The following DNM1L variants were observed in gnomAD, a reference collection of about 807,000 sequenced individuals.
The protein encoded by DNM1L is dynamin 1L, also known as dynamin-1-like protein.
Under a neutral mutation model 92.8 loss-of-function variants are expected in DNM1L, and 33 were observed. The observed-to-expected ratio is 0.36, with a 90% CI of 0.27 to 0.48. The LOEUF (loss-of-function observed/expected upper bound fraction) is 0.48. Among genes scored for constraint, DNM1L ranks in the 20% least tolerant of loss-of-function variants. The pLI is 0.99. For missense variants in DNM1L, 485 were observed against 888.8 expected, an observed-to-expected ratio of 0.55 and a Z score of 5.78; for synonymous variants, 284 against 305.0, an observed-to-expected ratio of 0.93 and a Z score of 0.72.
intron 12 of DNM1L, among the ~76,000 whole-genome samples, chr12:32,732,795 G>A (rs1184472062): frequency 6.6e-6 from 1 of 152,174 alleles, no homozygotes; most frequent in African/African-American, 2.4e-5. Flanking sequence ...AAGGGCTCAA[G>A]TTTATTCTCT....
intron 9 of DNM1L, among the ~76,000 whole-genome samples, chr12:32,725,930 C>T (rs1449219009): frequency 6.9e-6 from 1 of 144,606 alleles, no homozygotes; most frequent in African/African-American, 2.6e-5. Flanking sequence ...TTTTTTTAAA[C>T]GATGGATTGT....
At chr12:32,695,348 G>C (rs998365430) in intron 1 of DNM1L, among the ~76,000 whole-genome samples, 2 of 152,004 alleles carry the variant, frequency 1.3e-5, no homozygotes, top group Non-Finnish European at 2.9e-5. Flanking sequence ...GACATACTTA[G>C]AAAACAAACA....
intron 2 of DNM1L, among the ~76,000 whole-genome samples, chr12:32,705,000 G>GTTTTT (rs35375744): frequency 4.2e-5 from 5 of 118,874 alleles, no homozygotes; most frequent in Non-Finnish European, 7.0e-5. Flanking sequence ...CTCAGGCAAA[G>GTTTTT]TTTTTTTTTT....
At position 32,736,110 on chromosome 12, in the gene DNM1L, C is replaced by T. The variant is rs1228543141; in HGVS notation, c.1540-995C>T. On this transcript the variant is annotated intron_variant, in intron 13 of 19. Transcript: ENST00000549701. ...TTTTTAAGACAGAGTCTCACTCTGTCGCCCAGGCTGGAGTGCAGTGGCATG... is the reference window on the plus strand; with the variant it reads ...TTTTTAAGACAGAGTCTCACTCTGTTGCCCAGGCTGGAGTGCAGTGGCATG... Among the ~76,000 whole-genome samples the T allele has an allele frequency of 3.2e-4, 44 of 137,346 alleles. 1 individual carries two copies. Among genetic ancestry groups the T allele is most frequent in the Admixed American group, 4.0e-4 (5 of 12,640 alleles). 90.1% of individuals were successfully genotyped at this position (137,346 alleles called of 152,430 possible).
In DNM1L at chr12:32,737,084, T is replaced by G. The variant is rs1467364301; in HGVS notation, c.1540-21T>G. 5 of 1,613,470 alleles carry G rather than the reference T, an allele frequency of 3.1e-6. No homozygotes were observed. In the East Asian group the frequency reaches 1.1e-4, roughly 36 times the overall value. On this transcript the variant is annotated intron_variant, in intron 13 of 19. Coordinates refer to ENST00000549701, the MANE Select transcript of DNM1L (RefSeq NM_012062.5). Reference sequence around the variant, plus strand: ...ATCTCAATACTTGGATAATCACTTTTGTTTTGCTTGTGTTTCTTAGGAACA... The same window carrying G: ...ATCTCAATACTTGGATAATCACTTTGGTTTTGCTTGTGTTTCTTAGGAACA...
intron 1 of DNM1L, among the ~76,000 whole-genome samples, chr12:32,694,982 C>T (rs1156251722): frequency 6.6e-6 from 1 of 152,058 alleles, no homozygotes; most frequent in Non-Finnish European, 1.5e-5. Context: ...ACTAGCGCTC[C>T]TTCATGAAAC....
intron 6 of DNM1L, among the ~76,000 whole-genome samples, chr12:32,714,074 A>G (rs956549405): frequency 1.3e-4 from 20 of 152,130 alleles, no homozygotes; most frequent in Non-Finnish European, 2.9e-4. Flanking sequence ...AGTGGTTACT[A>G]TTGTTGCTAA....
chr12:32,690,896 TTACTG>T (rs1952202054), intron 1 of DNM1L, among the ~76,000 whole-genome samples: 1 of 152,214 alleles, frequency 6.6e-6, no homozygotes, highest in Non-Finnish European at 1.5e-5. Context: ...AAAAATCACT[TTACTG>T]AAGTATGGTT....
intron 4 of DNM1L, 128 bp downstream of exon 4, chr12:32,708,352 T>A: frequency 1.6e-6 from 1 of 617,938 alleles, no homozygotes; most frequent in Non-Finnish European, 2.9e-6. Flanking sequence ...CGAGAAGCGA[T>A]GGACATTGTA....
At position 32,737,988 on chromosome 12, in the gene DNM1L, T is replaced by C. The variant is rs879120727; in HGVS notation, c.1674+46T>C. On this transcript the variant is annotated intron_variant, in intron 15 of 19. Transcript: ENST00000549701. Reference sequence around the variant, plus strand: ...TAAGCCTGCATGCCTTGTTCTCTGGTACAACATAATCTTCTGGAAACAATA... The same window carrying C: ...TAAGCCTGCATGCCTTGTTCTCTGGCACAACATAATCTTCTGGAAACAATA... The C allele has an allele frequency of 5.1e-6, 8 of 1,575,024 alleles. No individual in the cohort carries two copies. The Admixed American group carries it at 1.3e-4, about 26-fold the overall frequency.
At chr12:32,702,037 C>T (rs1459939181) in intron 2 of DNM1L, among the ~76,000 whole-genome samples, 1 of 150,370 alleles carries the variant, frequency 6.7e-6, no homozygotes, top group Non-Finnish European at 1.5e-5. Flanking sequence ...AGTTCGAGAC[C>T]AGCCTGGCCA....
intron 6 of DNM1L, among the ~76,000 whole-genome samples, chr12:32,717,228 ATT>A (rs1216954829): frequency 1.8e-5 from 2 of 111,094 alleles, no homozygotes; most frequent in African/African-American, 7.2e-5. Context: ...TATAGTATAT[ATT>A]ATATATATTT....
At chr12:32,722,252 AT>A (rs961930617) in intron 8 of DNM1L, among the ~76,000 whole-genome samples, 174 bp from the exon 9 acceptor site, 16 of 152,306 alleles carry the variant, frequency 1.1e-4, no homozygotes, top group African/African-American at 3.8e-4. Flanking sequence ...GAGTCCAAGG[AT>A]TTTAGGAGCT....
intron 1 of DNM1L, among the ~76,000 whole-genome samples, chr12:32,699,796 C>CAAAAAAAA (rs34943495): frequency 6.8e-5 from 5 of 73,576 alleles, no homozygotes; most frequent in Non-Finnish European, 1.4e-4. Flanking sequence ...GACTCCATCT[C>CAAAAAAAA]AAAAAAAAAA....
chr12:32,743,493 C>G lies in DNM1L; in HGVS notation c.*83C>G. On this transcript the variant is annotated 3_prime_UTR_variant, in exon 20 of 20. Coordinates refer to ENST00000549701, the MANE Select transcript of DNM1L (RefSeq NM_012062.5). Reference sequence around the variant, plus strand: ...CTGAGTAGAATCTTATTTATGAACTCCTGTGTATTGCAATGGTATGAATCT... The same window carrying G: ...CTGAGTAGAATCTTATTTATGAACTGCTGTGTATTGCAATGGTATGAATCT... 2 of 1,312,284 alleles carry G rather than the reference C, an allele frequency of 1.5e-6. No homozygotes were observed. The highest frequency in any genetic ancestry group is 1.2e-5 in the South Asian group (1 of 83,418). The allele number at this position is 1,312,284 out of a possible 1,614,324, so 81.3% of individuals were successfully genotyped here.
At chr12:32,698,789 C>T (rs552021113) in intron 1 of DNM1L, among the ~76,000 whole-genome samples, 42 of 152,076 alleles carry the variant, frequency 2.8e-4, no homozygotes, top group African/African-American at 1.0e-3. Context: ...GATTATTTAT[C>T]GCATTAGCTG....
chr12:32,688,723 G>A (rs1458166632), intron 1 of DNM1L, among the ~76,000 whole-genome samples: 1 of 151,860 alleles, frequency 6.6e-6, no homozygotes, highest in African/African-American at 2.4e-5. Context: ...ATGCTTTTAT[G>A]GAAGAAGTGG....
rs28700241 is a variant in DNM1L, at chr12:32,717,119, T to A, written c.620-1524T>A. On this transcript the variant is annotated intron_variant, in intron 6 of 19. Transcript: ENST00000549701. ...ATATATTTTATATATTTATATATATTTTATATATATACCTATGTATATATA... is the reference window on the plus strand; with the variant it reads ...ATATATTTTATATATTTATATATATATTATATATATACCTATGTATATATA... Among the ~76,000 whole-genome samples, 300 of 118,200 alleles carry A rather than the reference T, an allele frequency of 2.5e-3. 3 individuals are homozygous for A. Among genetic ancestry groups the A allele is most frequent in the South Asian group, 0.021 (89 of 4,274 alleles). 77.5% of individuals were successfully genotyped at this position (118,200 alleles called of 152,430 possible).
intron 9 of DNM1L, among the ~76,000 whole-genome samples, chr12:32,729,242 C>T (rs374167646): frequency 6.6e-5 from 10 of 151,700 alleles, no homozygotes; most frequent in East Asian, 2.0e-4. Context: ...CTACTATGCC[C>T]GGCTAATTTT....
Sources: allele counts gnomAD v4.1 joint callset (sites outside exome capture counted in the v4.1 genomes callset), GRCh38; gene constraint gnomAD v4.1.1; transcripts MANE v1.5; gene names NCBI Gene and HGNC (gene_info 2026-07-23, HGNC 2026-07-21).